The following MYB variants were observed in gnomAD, a reference collection of about 807,000 sequenced individuals.
MYB encodes the protein MYB proto-oncogene, transcription factor.
Under a neutral mutation model 92.9 loss-of-function variants are expected in MYB, and 28 were observed. The ratio of observed to expected loss-of-function variants is 0.30; its 90% CI spans 0.22 to 0.41. The LOEUF (loss-of-function observed/expected upper bound fraction) is 0.41, where lower values mean the gene tolerates loss of function less well. Among genes scored for constraint, MYB ranks in the 10% least tolerant of loss-of-function variants. The pLI is 1.00. For missense variants in MYB, 679 were observed against 929.3 expected (o/e 0.73, Z 3.50); for synonymous variants, 295 against 329.1 (o/e 0.90, Z 1.12).
chr6:135,193,724 A>G (rs2128293773), intron 6 of MYB, 114 bp from the exon 7 acceptor site: 1 of 650,722 alleles, frequency 1.5e-6, no homozygotes, highest in South Asian at 2.3e-5. Flanking sequence ...AGTGTATTTT[A>G]TCAGTAAAGT....
intron 15 of MYB, among the ~76,000 whole-genome samples, chr6:135,210,851 T>G (rs1779609281): frequency 6.6e-6 from 1 of 152,226 alleles, no homozygotes; most frequent in Non-Finnish European, 1.5e-5. Flanking sequence ...AGTCGCCACA[T>G]AGTCCCTGTC....
chr6:135,192,148 C>G (rs1425615470), intron 5 of MYB, among the ~76,000 whole-genome samples, 176 bp from the exon 6 acceptor site: 4 of 152,116 alleles, frequency 2.6e-5, no homozygotes, highest in African/African-American at 9.7e-5. Flanking sequence ...AGAAATCTAA[C>G]TAGGCAATAG....
At chr6:135,195,265 G>A in intron 8 of MYB, 1 of 357,510 alleles carries the variant, frequency 2.8e-6, no homozygotes, top group South Asian at 2.6e-5. Context: ...ATTTGGCAGT[G>A]CTTCACTGCA....
At chr6:135,197,461 G>A in intron 10 of MYB, 138 bp downstream of exon 10, 1 of 869,412 alleles carries the variant, frequency 1.2e-6, no homozygotes, top group Non-Finnish European at 1.8e-6. Flanking sequence ...GAATCTAGCT[G>A]TTGCTAAGTT....
intron 3 of MYB, among the ~76,000 whole-genome samples, chr6:135,189,475 A>T (rs749196581): frequency 3.9e-5 from 6 of 152,218 alleles, no homozygotes; most frequent in Admixed American, 6.5e-5. Flanking sequence ...GCCTCAGGCT[A>T]TGTAGATACT....
chr6:135,183,106 C>A (rs375281718), intron 1 of MYB, among the ~76,000 whole-genome samples: 1 of 150,142 alleles, frequency 6.7e-6, no homozygotes, highest in East Asian at 2.0e-4. Flanking sequence ...CTCCGCGCCC[C>A]GAGGTCTCGG....
chr6:135,211,065 G>T (rs1779640943), intron 15 of MYB, among the ~76,000 whole-genome samples: 1 of 151,824 alleles, frequency 6.6e-6, no homozygotes, highest in Admixed American at 6.6e-5. Flanking sequence ...AGACCTCGCG[G>T]TATGATGGAG....
In MYB at chr6:135,181,972, C is replaced by G. The variant is rs1583216822; in HGVS notation, c.23+436C>G. Among the ~76,000 whole-genome samples the G allele has an allele frequency of 6.6e-6, 1 of 152,144 alleles. No homozygotes were observed. The highest frequency in any genetic ancestry group is 2.4e-5 in the African/African-American group (1 of 41,424). On this transcript the variant is annotated intron_variant, in intron 1 of 15. Coordinates refer to ENST00000341911, the MANE Select transcript of MYB (RefSeq NM_001130173.2). The surrounding 1 kb of genome is among the most constrained non-coding windows in gnomAD (Gnocchi z 5.3). ...GGAAGTGCAGAGCATATGGCAGATA[C>G]AGGGAAAATGCTGGATTGTTTAGTA...
At chr6:135,208,244 A>T (rs905883454) in intron 15 of MYB, among the ~76,000 whole-genome samples, 1 of 150,022 alleles carries the variant, frequency 6.7e-6, no homozygotes, top group Admixed American at 6.7e-5. Flanking sequence ...ATGCTAGCTA[A>T]TTTTTGGTAT....
intron 5 of MYB, among the ~76,000 whole-genome samples, chr6:135,191,905 A>G (rs895774768): frequency 2.6e-5 from 4 of 152,210 alleles, no homozygotes; most frequent in Non-Finnish European, 5.9e-5. Context: ...ATCATCCACC[A>G]GACTTCACCA....
intron 15 of MYB, among the ~76,000 whole-genome samples, chr6:135,214,294 C>G (rs1026916701): frequency 4.0e-5 from 6 of 150,608 alleles, no homozygotes; most frequent in Non-Finnish European, 8.9e-5. Context: ...GAAAAATGGA[C>G]AAGAAAATTC....
chr6:135,191,432 A>G (rs1017090983), intron 5 of MYB, among the ~76,000 whole-genome samples: 7 of 152,252 alleles, frequency 4.6e-5, no homozygotes, highest in African/African-American at 1.7e-4. Context: ...GAAAGTTTAT[A>G]TAGTATTCTC....
At position 135,190,416 on chromosome 6, in the gene MYB, AATGT is replaced by A; in HGVS notation, c.527+73_527+76del. 1.7e-6 allele frequency: 2 copies of A among 1,182,718 alleles called. No individual in the cohort carries two copies. Among genetic ancestry groups the A allele is most frequent in the Non-Finnish European group, 2.5e-6 (2 of 811,440 alleles). 73.3% of individuals were successfully genotyped at this position (1,182,718 alleles called of 1,614,324 possible). A position where few individuals can be genotyped will look rare whatever the true frequency, so the allele number is the denominator to read the frequency against. ...AGTGGGTATTGAACATTCTGCTTTA[AATGT>A]ATGGTGAGTAAATTATATTTCATCA... On this transcript the variant is annotated intron_variant, in intron 5 of 15. Coordinates refer to ENST00000341911, the MANE Select transcript of MYB (RefSeq NM_001130173.2). The surrounding 1 kb of genome is among the most constrained non-coding windows in gnomAD (Gnocchi z 4.5).
chr6:135,201,271 G>A (rs1778050642), intron 13 of MYB, among the ~76,000 whole-genome samples: 1 of 152,128 alleles, frequency 6.6e-6, no homozygotes, highest in Admixed American at 6.5e-5. Context: ...TTACCAGAAT[G>A]TGATTAAAAA....
chr6:135,197,532 T>C (rs1295410306), intron 10 of MYB, among the ~76,000 whole-genome samples: 2 of 152,212 alleles, frequency 1.3e-5, no homozygotes, highest in Non-Finnish European at 2.9e-5. Context: ...CATCATTCTC[T>C]CTCTTTTACT....
At chr6:135,195,336 C>G (rs56297505) in intron 8 of MYB, 150 of 157,174 alleles carry the variant, frequency 9.5e-4, no homozygotes, top group Non-Finnish European at 1.6e-3. Flanking sequence ...TAGATCAAAG[C>G]AACTCTAACT....
chr6:135,197,398 C>A, intron 10 of MYB, 75 bp downstream of exon 10: 1 of 1,268,866 alleles, frequency 7.9e-7, no homozygotes, highest in Non-Finnish European at 1.1e-6. Context: ...GAAACTAATA[C>A]TTCGGAACAA....
At chr6:135,197,757 A>G (rs1562378690) in intron 10 of MYB, among the ~76,000 whole-genome samples, 2 of 152,226 alleles carry the variant, frequency 1.3e-5, no homozygotes, top group African/African-American at 4.8e-5. Flanking sequence ...TTGGGTTGCA[A>G]CTAGAAAATT....
intron 6 of MYB, 70 bp from the exon 7 acceptor site, chr6:135,193,768 A>T: frequency 9.6e-7 from 1 of 1,041,522 alleles, no homozygotes; most frequent in Admixed American, 2.0e-5. Flanking sequence ...ACGAAACCTC[A>T]GGAAGCCAAG....
Sources: gnomAD v4.1 joint callset for allele counts (sites outside exome capture counted in the v4.1 genomes callset) on GRCh38, gnomAD v4.1.1 for gene constraint, Gnocchi (gnomAD v3.1) non-coding constraint, MANE v1.5 for transcripts, NCBI Gene and HGNC (gene_info 2026-07-23, HGNC 2026-07-21) for gene names.